Variants in LRRTM3 observed in about 807,000 individuals in gnomAD.
LRRTM3 encodes the protein leucine-rich repeat transmembrane neuronal protein 3.
LRRTM3 carries 24 observed loss-of-function variants against 44.7 expected under a neutral mutation model. The ratio of observed to expected loss-of-function variants is 0.54; its 90% CI spans 0.39 to 0.76. LRRTM3 has a LOEUF of 0.76. Among genes scored for constraint, LRRTM3 ranks in the 30% least tolerant of loss-of-function variants. The probability of loss-of-function intolerance (pLI) is 0.00; values close to 1 mark genes in which losing one functional copy is unlikely to be tolerated. For synonymous variants in LRRTM3, 277 were observed against 278.7 expected (o/e 0.99, Z 0.06); for missense variants, 587 against 702.2 (o/e 0.84, Z 1.85).
intron 2 of LRRTM3, among the ~76,000 whole-genome samples, chr10:67,009,598 C>G (rs894040375): frequency 2.6e-5 from 4 of 151,806 alleles, no homozygotes; most frequent in African/African-American, 9.7e-5. Flanking sequence ...AATTTTTATC[C>G]TAATCTTCCA....
chr10:66,948,913 T>C (rs1848403694), intron 2 of LRRTM3, among the ~76,000 whole-genome samples: 1 of 152,186 alleles, frequency 6.6e-6, no homozygotes, highest in African/African-American at 2.4e-5. Flanking sequence ...GGTCTCTTAA[T>C]TAGGCTTTGT....
chr10:66,971,457 A>G (rs1219947887), intron 2 of LRRTM3, among the ~76,000 whole-genome samples: 4 of 152,048 alleles, frequency 2.6e-5, no homozygotes, highest in Non-Finnish European at 5.9e-5. Flanking sequence ...ACATACATAA[A>G]CAGTGTTAGA....
At chr10:66,933,053 G>A (rs1414887470) in intron 2 of LRRTM3, among the ~76,000 whole-genome samples, 3 of 152,194 alleles carry the variant, frequency 2.0e-5, no homozygotes, top group Non-Finnish European at 4.4e-5. Context: ...AGGACGAAAT[G>A]TGAAAAGTAC....
chr10:67,051,250 C>T (rs892555756), intron 2 of LRRTM3, among the ~76,000 whole-genome samples: 1 of 152,128 alleles, frequency 6.6e-6, no homozygotes, highest in African/African-American at 2.4e-5. Flanking sequence ...AATTTTCTCC[C>T]AATTCAACAG....
At chr10:67,033,001 T>A (rs1370646935) in intron 2 of LRRTM3, among the ~76,000 whole-genome samples, 1 of 152,198 alleles carries the variant, frequency 6.6e-6, no homozygotes, top group African/African-American at 2.4e-5. Context: ...ACCTTCATTT[T>A]TACTTGAATT....
chr10:66,952,533 GTATT>G (rs1245211059), intron 2 of LRRTM3, among the ~76,000 whole-genome samples: 1 of 151,800 alleles, frequency 6.6e-6, no homozygotes, highest in Non-Finnish European at 1.5e-5. Flanking sequence ...AATTGTGTGT[GTATT>G]TATGTGTGTG....
At chr10:66,929,461 G>C (rs1847250777) in intron 2 of LRRTM3, among the ~76,000 whole-genome samples, 1 of 152,126 alleles carries the variant, frequency 6.6e-6, no homozygotes, top group Admixed American at 6.5e-5. Context: ...GCCCTGTTGT[G>C]TTCCATTACA....
chr10:66,967,451 A>G (rs2132809404), intron 2 of LRRTM3, among the ~76,000 whole-genome samples: 1 of 152,002 alleles, frequency 6.6e-6, no homozygotes, highest in East Asian at 1.9e-4. Flanking sequence ...ATGAATTACA[A>G]TTAATTAATC....
At chr10:67,051,231 C>T (rs1351050825) in intron 2 of LRRTM3, among the ~76,000 whole-genome samples, 5 of 152,202 alleles carry the variant, frequency 3.3e-5, no homozygotes, top group Non-Finnish European at 7.4e-5. Flanking sequence ...AAAATGAAGA[C>T]GTGAACTAAA....
chr10:66,987,593 C>T (rs1425737505), intron 2 of LRRTM3, among the ~76,000 whole-genome samples: 1 of 152,180 alleles, frequency 6.6e-6, no homozygotes, highest in Admixed American at 6.5e-5. Context: ...CCAGTTACTA[C>T]TGTCTCATTC....
At chr10:67,090,283 C>G (rs2131906619) in intron 2 of LRRTM3, among the ~76,000 whole-genome samples, 1 of 152,238 alleles carries the variant, frequency 6.6e-6, no homozygotes. Flanking sequence ...CTGTCACTAT[C>G]TTACCCACAT....
chr10:66,960,352 T>C (rs1849045585), intron 2 of LRRTM3, among the ~76,000 whole-genome samples: 1 of 152,170 alleles, frequency 6.6e-6, no homozygotes, highest in African/African-American at 2.4e-5. Context: ...ATTTATAAGC[T>C]TGACTACACA....
intron 2 of LRRTM3, among the ~76,000 whole-genome samples, chr10:66,977,704 G>T (rs1044006399): frequency 2.0e-5 from 3 of 152,120 alleles, no homozygotes; most frequent in African/African-American, 7.2e-5. Flanking sequence ...ATCTACTATT[G>T]TTAGATAAAG....
rs1051218277 is a variant in LRRTM3, at chr10:67,101,121, T to C, written c.*3325T>C. Among the ~76,000 whole-genome samples, 10 of 151,790 alleles carry C rather than the reference T, an allele frequency of 6.6e-5. No individual in the cohort carries two copies. The highest frequency in any genetic ancestry group is 2.4e-4 in the African/African-American group (10 of 41,398). On this transcript the variant is annotated 3_prime_UTR_variant, in exon 3 of 3. Transcript: ENST00000361320. ...TTAACAAGTCACATATTTCTTAACA[T>C]ACAAGTTCGTTTGTGAATGTGCAGA...
chr10:66,982,402 GT>G, intron 2 of LRRTM3, among the ~76,000 whole-genome samples: 1 of 152,224 alleles, frequency 6.6e-6, no homozygotes, highest in Non-Finnish European at 1.5e-5. Context: ...CTAAATCTCA[GT>G]TTTTTCACCT....
intron 2 of LRRTM3, among the ~76,000 whole-genome samples, chr10:66,994,290 G>A (rs550664280): frequency 1.6e-4 from 25 of 152,292 alleles, no homozygotes; most frequent in African/African-American, 5.8e-4. Flanking sequence ...GACATTTAAC[G>A]TAGTTAAAAA....
At chr10:66,935,210 T>C (rs1847627207) in intron 2 of LRRTM3, among the ~76,000 whole-genome samples, 1 of 152,146 alleles carries the variant, frequency 6.6e-6, no homozygotes, top group Non-Finnish European at 1.5e-5. Flanking sequence ...TAAAGGAAAC[T>C]TGTAGAATGC....
chr10:67,030,043 A>AT (rs960728836), intron 2 of LRRTM3, among the ~76,000 whole-genome samples: 2 of 152,190 alleles, frequency 1.3e-5, no homozygotes, highest in African/African-American at 4.8e-5. Context: ...AATAAAATTA[A>AT]TTTTTTTCTA....
chr10:67,091,040 T>C (rs2131909056), intron 2 of LRRTM3, among the ~76,000 whole-genome samples: 1 of 152,174 alleles, frequency 6.6e-6, no homozygotes, highest in South Asian at 2.1e-4. Context: ...TTCTTAATAT[T>C]ACTCAAATAA....
Sources: gnomAD v4.1 joint callset for allele counts (sites outside exome capture counted in the v4.1 genomes callset) on GRCh38, gnomAD v4.1.1 for gene constraint, MANE v1.5 for transcripts, NCBI Gene and HGNC (gene_info 2026-07-23, HGNC 2026-07-21) for gene names.